NKAIN2: variants seen among roughly 807,000 people sequenced by gnomAD.
The protein encoded by NKAIN2 is sodium/potassium transporting ATPase interacting 2.
NKAIN2 carries 14 observed loss-of-function variants against 32.6 expected under a neutral mutation model. The observed-to-expected ratio is 0.43, with a 90% CI of 0.28 to 0.67. The LOEUF is 0.67. Among genes scored for constraint, NKAIN2 ranks in the 30% least tolerant of loss-of-function variants. NKAIN2 has a pLI of 0.17. For missense variants in NKAIN2, 198 were observed against 258.3 expected (o/e 0.77, Z 1.60); for synonymous variants, 80 against 87.2 (o/e 0.92, Z 0.46).
At chr6:124,085,726 G>T (rs1184459011) in intron 1 of NKAIN2, among the ~76,000 whole-genome samples, 1 of 151,874 alleles carries the variant, frequency 6.6e-6, no homozygotes, top group African/African-American at 2.4e-5. Context: ...AAGTATTCCT[G>T]CCCTCCTGGA....
chr6:124,100,909 G>A lies in NKAIN2; in HGVS notation c.55-182096G>A, dbSNP rs547986149. 9.7e-4 allele frequency among the ~76,000 whole-genome samples: 147 copies of A among 152,316 alleles called. 1 individual carries two copies. The highest frequency in any genetic ancestry group is 6.8e-3 in the South Asian group (33 of 4,830). On this transcript the variant is annotated intron_variant, in intron 1 of 6. Coordinates refer to ENST00000368417, the MANE Select transcript of NKAIN2 (RefSeq NM_001040214.3). Reference sequence around the variant, plus strand: ...AAGAGGCTGTCTTCTTGGAATTTGAGGGTGGGGACAAAATATATGAAGACA... The same window carrying A: ...AAGAGGCTGTCTTCTTGGAATTTGAAGGTGGGGACAAAATATATGAAGACA...
chr6:124,111,891 C>A (rs1360171910), intron 1 of NKAIN2, among the ~76,000 whole-genome samples: 1 of 151,690 alleles, frequency 6.6e-6, no homozygotes, highest in Non-Finnish European at 1.5e-5. Flanking sequence ...CATAAAATAT[C>A]TTACAACTGT....
intron 4 of NKAIN2, among the ~76,000 whole-genome samples, chr6:124,703,525 G>C (rs1447968237): frequency 6.6e-6 from 1 of 151,866 alleles, no homozygotes; most frequent in Non-Finnish European, 1.5e-5. Flanking sequence ...GCATTCAACT[G>C]TACTTTTTAG....
chr6:124,174,015 C>T (rs1473332604), intron 1 of NKAIN2, among the ~76,000 whole-genome samples: 4 of 152,040 alleles, frequency 2.6e-5, no homozygotes, highest in Non-Finnish European at 4.4e-5. Flanking sequence ...TTTATCTGGC[C>T]ATTTTGAGGC....
intron 4 of NKAIN2, among the ~76,000 whole-genome samples, chr6:124,712,254 G>T (rs1775521956): frequency 7.0e-6 from 1 of 142,690 alleles, no homozygotes; most frequent in East Asian, 2.0e-4. Flanking sequence ...GTCTGCAGAG[G>T]TTACTGCTGT....
At chr6:124,328,525 G>T (rs1583056032) in intron 2 of NKAIN2, among the ~76,000 whole-genome samples, 1 of 152,288 alleles carries the variant, frequency 6.6e-6, no homozygotes, top group Admixed American at 6.5e-5. Flanking sequence ...TACAGACTCT[G>T]AGATGGAGAT....
At chr6:124,418,537 A>G (rs1774600523) in intron 3 of NKAIN2, among the ~76,000 whole-genome samples, 1 of 147,916 alleles carries the variant, frequency 6.8e-6, no homozygotes, top group African/African-American at 2.5e-5. Context: ...TATAAACAAA[A>G]GGGATTATAT....
chr6:123,937,483 C>T (rs1379756563), intron 1 of NKAIN2, among the ~76,000 whole-genome samples: 1 of 151,960 alleles, frequency 6.6e-6, no homozygotes, highest in African/African-American at 2.4e-5. Flanking sequence ...TTATTTGCTC[C>T]AGTTTATATA....
At chr6:124,079,207 A>T (rs767563465) in intron 1 of NKAIN2, among the ~76,000 whole-genome samples, 5 of 152,028 alleles carry the variant, frequency 3.3e-5, no homozygotes, top group Non-Finnish European at 7.4e-5. Context: ...AATCCCAGCT[A>T]CTCGGGAGGC....
intron 5 of NKAIN2, among the ~76,000 whole-genome samples, chr6:124,803,756 T>C (rs1325316839): frequency 6.6e-6 from 1 of 152,186 alleles, no homozygotes; most frequent in Non-Finnish European, 1.5e-5. Flanking sequence ...CAAAGTTCTC[T>C]CTTTTGAGCC....
At chr6:124,734,251 C>T (rs1388671603) in intron 4 of NKAIN2, among the ~76,000 whole-genome samples, 2 of 151,728 alleles carry the variant, frequency 1.3e-5, no homozygotes, top group East Asian at 3.9e-4. Context: ...ATTCTATTTA[C>T]AAAAATCTCT....
chr6:124,811,992 G>C (rs1352280496), intron 5 of NKAIN2, among the ~76,000 whole-genome samples: 1 of 152,020 alleles, frequency 6.6e-6, no homozygotes. Flanking sequence ...CCTCTGTTTA[G>C]GGTCCTATAA....
rs571127308 is a variant in NKAIN2 at position 124,209,673 on chromosome 6, A to G, written c.55-73332A>G. ...TTTAACAATGGTAAGATGATCTCAC[A>G]TTGTAGTTGTGATTTTTGATTCTCT... is the stretch of plus-strand genomic sequence containing the variant. On this transcript the variant is annotated intron_variant, in intron 1 of 6. Transcript: ENST00000368417. 5.3e-4 allele frequency among the ~76,000 whole-genome samples: 81 copies of G among 151,950 alleles called. 1 individual carries two copies. Among genetic ancestry groups the G allele is most frequent in the African/African-American group, 2.0e-3 (81 of 41,502 alleles).
chr6:124,131,030 G>C (rs1786447966), intron 1 of NKAIN2, among the ~76,000 whole-genome samples: 1 of 152,160 alleles, frequency 6.6e-6, no homozygotes, highest in South Asian at 2.1e-4. Context: ...TACTAACAAA[G>C]ACACACAAAG....
rs904630036 is a variant in NKAIN2, at chr6:123,804,086, G to A, written c.-115G>A. ...ACGCTGGCAGCAGCAGCAGCCCGGA[G>A]CCCCCGAGCCCTCGGCAGGTTTGCG... On this transcript the variant is annotated 5_prime_UTR_variant, in exon 1 of 7. Transcript: ENST00000368417. 1.0e-4 allele frequency: 93 copies of A among 925,040 alleles called. No individual in the cohort carries two copies. In the Middle Eastern group the frequency reaches 1.5e-3, roughly 15 times the overall value. 57.3% of individuals were successfully genotyped at this position (925,040 alleles called of 1,614,324 possible). A position where few individuals can be genotyped will look rare whatever the true frequency, so the allele number is the denominator to read the frequency against.
At chr6:124,130,212 A>C (rs1017660111) in intron 1 of NKAIN2, among the ~76,000 whole-genome samples, 4 of 152,182 alleles carry the variant, frequency 2.6e-5, no homozygotes, top group Non-Finnish European at 5.9e-5. Context: ...TTACCCAGGC[A>C]AAGGGGGTGG....
At chr6:124,089,655 C>T (rs1046627909) in intron 1 of NKAIN2, among the ~76,000 whole-genome samples, 3 of 151,918 alleles carry the variant, frequency 2.0e-5, no homozygotes, top group African/African-American at 7.2e-5. Context: ...TCCCTGAACC[C>T]GGGTGCCTAC....
chr6:124,108,888 T>C (rs565310673), intron 1 of NKAIN2, among the ~76,000 whole-genome samples: 1 of 152,166 alleles, frequency 6.6e-6, no homozygotes, highest in East Asian at 1.9e-4. Flanking sequence ...TTTTGTAATA[T>C]TGGTTTATAT....
intron 3 of NKAIN2, among the ~76,000 whole-genome samples, chr6:124,583,229 C>CA (rs60708814): frequency 0.86 from 121,809 of 141,258 alleles, 52,786 homozygotes; most frequent in Non-Finnish European, 0.91. Flanking sequence ...AAGACTCCAC[C>CA]AAAAAAAAAA....
Sources: allele counts gnomAD v4.1 joint callset (sites outside exome capture counted in the v4.1 genomes callset), GRCh38; gene constraint gnomAD v4.1.1; transcripts MANE v1.5; gene names NCBI Gene and HGNC (gene_info 2026-07-23, HGNC 2026-07-21).